The following RGS9 variants were observed in gnomAD, a reference collection of about 807,000 sequenced individuals.
RGS9 encodes regulator of G protein signaling 9.
RGS9 carries 78 observed loss-of-function variants against 102.0 expected under a neutral mutation model. The observed-to-expected ratio is 0.76, with a 90% confidence interval of 0.64 to 0.92. The LOEUF is 0.92. Among genes scored for constraint, RGS9 ranks in the 40% least tolerant of loss-of-function variants. RGS9 has a pLI of 0.00. For synonymous variants in RGS9, 353 were observed against 318.6 expected, an observed-to-expected ratio of 1.11 and a Z score of -1.15; for missense variants, 833 against 866.1, an observed-to-expected ratio of 0.96 and a Z score of 0.48.
intron 2 of RGS9, among the ~76,000 whole-genome samples, chr17:65,155,886 T>G (rs1016516480): frequency 3.3e-5 from 5 of 152,208 alleles, no homozygotes; most frequent in Non-Finnish European, 5.9e-5. Flanking sequence ...TAGATATGAC[T>G]GCCCACTTTT....
chr17:65,162,364 AC>A (rs1911017317), intron 6 of RGS9, among the ~76,000 whole-genome samples: 1 of 152,146 alleles, frequency 6.6e-6, no homozygotes, highest in Admixed American at 6.5e-5. Context: ...CCTGGGCAAC[AC>A]AGTGAGACAC....
At chr17:65,203,281 G>A (rs1206534031) in intron 14 of RGS9, among the ~76,000 whole-genome samples, 1 of 152,112 alleles carries the variant, frequency 6.6e-6, no homozygotes, top group Non-Finnish European at 1.5e-5. Context: ...ATGGGGGTGC[G>A]GGTGGGGTGC....
intron 9 of RGS9, among the ~76,000 whole-genome samples, chr17:65,183,944 C>G (rs1001093342): frequency 6.6e-6 from 1 of 152,192 alleles, no homozygotes; most frequent in African/African-American, 2.4e-5. Context: ...TTGGGCAACT[C>G]TGCAAGGGAA....
chr17:65,180,306 G>C (rs1911825140), intron 9 of RGS9, among the ~76,000 whole-genome samples: 1 of 152,118 alleles, frequency 6.6e-6, no homozygotes, highest in African/African-American at 2.4e-5. Context: ...GGTTTGAAGA[G>C]AGGTCATTTT....
intron 8 of RGS9, among the ~76,000 whole-genome samples, chr17:65,174,460 T>A (rs1311572620): frequency 6.6e-6 from 1 of 152,104 alleles, no homozygotes; most frequent in East Asian, 1.9e-4. Flanking sequence ...TGCATGTGTG[T>A]GAGCATGTAT....
At chr17:65,177,412 C>T (rs576593833) in intron 8 of RGS9, among the ~76,000 whole-genome samples, 2 of 152,188 alleles carry the variant, frequency 1.3e-5, no homozygotes, top group African/African-American at 4.8e-5. Context: ...CTTATCCATG[C>T]ATCCCACTAT....
chr17:65,206,413 C>T (rs1033236999), intron 15 of RGS9, among the ~76,000 whole-genome samples: 5 of 152,184 alleles, frequency 3.3e-5, no homozygotes, highest in African/African-American at 1.2e-4. Flanking sequence ...GGCGCAGTGG[C>T]TCACGCCTGT....
chr17:65,140,675 G>T (rs1910123050), intron 1 of RGS9, among the ~76,000 whole-genome samples: 1 of 152,180 alleles, frequency 6.6e-6, no homozygotes, highest in South Asian at 2.1e-4. Context: ...AGGAGTTTGA[G>T]ACCAGCCTGG....
chr17:65,142,472 CATT>C (rs1237121827), intron 1 of RGS9, among the ~76,000 whole-genome samples: 1 of 152,036 alleles, frequency 6.6e-6, no homozygotes, highest in Non-Finnish European at 1.5e-5. Flanking sequence ...CTTTAAAAAA[CATT>C]AATATCAACT....
intron 1 of RGS9, among the ~76,000 whole-genome samples, chr17:65,151,716 C>T (rs1381012568): frequency 6.6e-6 from 1 of 152,238 alleles, no homozygotes; most frequent in Non-Finnish European, 1.5e-5. Flanking sequence ...TAACTGGTAA[C>T]TCTGGTCTTA....
intron 3 of RGS9, among the ~76,000 whole-genome samples, chr17:65,159,153 AC>A (rs567788679): frequency 1.7e-5 from 2 of 114,670 alleles, no homozygotes; most frequent in African/African-American, 6.6e-5. Flanking sequence ...GCACCTTGTG[AC>A]CCCCCACTCC....
At chr17:65,182,050 G>T (rs1018096565) in intron 9 of RGS9, among the ~76,000 whole-genome samples, 2 of 152,130 alleles carry the variant, frequency 1.3e-5, no homozygotes, top group African/African-American at 4.8e-5. Flanking sequence ...TGGAAGGAGG[G>T]GTTACATGCC....
At chr17:65,157,966 G>A (rs1910829728) in intron 2 of RGS9, among the ~76,000 whole-genome samples, 1 of 152,084 alleles carries the variant, frequency 6.6e-6, no homozygotes, top group Non-Finnish European at 1.5e-5. Context: ...TATCCAGTTA[G>A]TGAATAACAG....
chr17:65,162,895 C>T (rs771113608), intron 6 of RGS9, 118 bp from the exon 7 acceptor site: 63 of 693,332 alleles, frequency 9.1e-5, no homozygotes, highest in East Asian at 2.8e-5. Flanking sequence ...TACCATCGGG[C>T]TGGGTCCATG....
At chr17:65,169,874 C>T (rs1911345117) in intron 8 of RGS9, among the ~76,000 whole-genome samples, 1 of 151,802 alleles carries the variant, frequency 6.6e-6, no homozygotes, top group Non-Finnish European at 1.5e-5. Flanking sequence ...CTCCCACTCC[C>T]TCACCTCCTT....
intron 17 of RGS9, among the ~76,000 whole-genome samples, chr17:65,221,275 G>A (rs772228740): frequency 2.0e-5 from 3 of 152,136 alleles, no homozygotes; most frequent in Non-Finnish European, 4.4e-5. Flanking sequence ...CAGAGTTGGG[G>A]GAGGGCATAT....
At chr17:65,214,319 G>A (rs1913411955) in intron 17 of RGS9, among the ~76,000 whole-genome samples, 2 of 152,180 alleles carry the variant, frequency 1.3e-5, no homozygotes, top group Admixed American at 1.3e-4. Flanking sequence ...GTGCTATGGT[G>A]GATACAAAAA....
At chr17:65,221,352 G>C (rs976183169) in intron 17 of RGS9, among the ~76,000 whole-genome samples, 2 of 152,274 alleles carry the variant, frequency 1.3e-5, no homozygotes, top group South Asian at 2.1e-4. Context: ...AACCTCAGTT[G>C]TCTTATCTGT....
At chr17:65,148,988 G>A (rs1164346941) in intron 1 of RGS9, among the ~76,000 whole-genome samples, 4 of 152,040 alleles carry the variant, frequency 2.6e-5, no homozygotes, top group Non-Finnish European at 4.4e-5. Context: ...TTGAGGCAAG[G>A]TCTCTCTCTG....
Sources: gnomAD v4.1 joint callset for allele counts (sites outside exome capture counted in the v4.1 genomes callset) on GRCh38, gnomAD v4.1.1 for gene constraint, MANE v1.5 for transcripts, NCBI Gene and HGNC (gene_info 2026-07-23, HGNC 2026-07-21) for gene names.